Variants in ADAMTSL3 observed in about 807,000 individuals in gnomAD.
ADAMTSL3 encodes ADAMTS like 3, also known as ADAMTS-like protein 3.
In ADAMTSL3, 128 loss-of-function variants were observed where a neutral mutation model predicts 201.7. The ratio of observed to expected loss-of-function variants is 0.63; its 90% CI spans 0.55 to 0.73. The LOEUF is 0.73. Ranked by LOEUF, ADAMTSL3 falls within the 30% of genes least tolerant of loss-of-function variation. ADAMTSL3 has a pLI of 0.00. For synonymous variants in ADAMTSL3, 738 were observed against 748.4 expected (o/e 0.99, Z 0.23); for missense variants, 1,990 against 2,119.6 (o/e 0.94, Z 1.20).
At chr15:83,743,957 T>C (rs953940653) in intron 3 of ADAMTSL3, among the ~76,000 whole-genome samples, 1 of 151,986 alleles carries the variant, frequency 6.6e-6, no homozygotes, top group Admixed American at 6.6e-5. Flanking sequence ...TTCACACCAT[T>C]CTCCTGCCTC....
At chr15:83,752,812 T>G (rs1052091565) in intron 3 of ADAMTSL3, among the ~76,000 whole-genome samples, 1 of 152,224 alleles carries the variant, frequency 6.6e-6, no homozygotes, top group African/African-American at 2.4e-5. Flanking sequence ...CACTGAAGTT[T>G]ACACAAACAT....
At chr15:83,675,725 A>G (rs1231486971) in intron 2 of ADAMTSL3, among the ~76,000 whole-genome samples, 2 of 151,652 alleles carry the variant, frequency 1.3e-5, no homozygotes, top group Admixed American at 6.6e-5. Flanking sequence ...TGAAACTTGG[A>G]TATTTCATTT....
chr15:83,861,005 C>T (rs2064844499), intron 8 of ADAMTSL3, among the ~76,000 whole-genome samples: 2 of 152,228 alleles, frequency 1.3e-5, no homozygotes, highest in African/African-American at 4.8e-5. Flanking sequence ...GCAAATGGCA[C>T]ACCAGGAGAT....
chr15:83,655,327 C>T (rs1421564551), intron 1 of ADAMTSL3, among the ~76,000 whole-genome samples: 1 of 152,178 alleles, frequency 6.6e-6, no homozygotes, highest in East Asian at 1.9e-4. Context: ...AGGTCCTTTC[C>T]CTCTCTGGGC....
intron 2 of ADAMTSL3, among the ~76,000 whole-genome samples, chr15:83,680,198 G>A (rs1293042769): frequency 6.6e-6 from 1 of 151,990 alleles, no homozygotes; most frequent in East Asian, 1.9e-4. Context: ...GAGTTGCATT[G>A]TTCTCTAGCA....
At chr15:83,803,705 C>T (rs1193153328) in intron 4 of ADAMTSL3, among the ~76,000 whole-genome samples, 2 of 152,118 alleles carry the variant, frequency 1.3e-5, no homozygotes, top group Non-Finnish European at 2.9e-5. Context: ...AAATGAGTGG[C>T]AGGGTCGCAG....
intron 6 of ADAMTSL3, chr15:83,824,877 T>C (rs2063986673): frequency 6.6e-6 from 1 of 152,200 alleles, no homozygotes; most frequent in Non-Finnish European, 1.5e-5. Context: ...TAATGGAATG[T>C]TTCACAAATT....
chr15:84,031,552 C>A, intron 28 of ADAMTSL3, 120 bp downstream of exon 28: 1 of 841,076 alleles, frequency 1.2e-6, no homozygotes, highest in Non-Finnish European at 1.9e-6. Context: ...TGACAGTTTT[C>A]AATTATGATT....
Position 83,858,754 on chromosome 15 carries a change from G to A in ADAMTSL3, c.728-12G>A. On this transcript the variant is annotated splice_polypyrimidine_tract_variant and intron_variant, in intron 7 of 29. Coordinates refer to ENST00000286744, the MANE Select transcript of ADAMTSL3 (RefSeq NM_207517.3). ...ACTGGTTTTATTGCAGTTGCGTTCTGTTCTTTCCCAGGAGAAGAAAATGTA... is the reference window on the plus strand; with the variant it reads ...ACTGGTTTTATTGCAGTTGCGTTCTATTCTTTCCCAGGAGAAGAAAATGTA... 1 of 1,610,762 alleles carries A rather than the reference G, an allele frequency of 6.2e-7. No homozygotes were observed. The highest frequency in any genetic ancestry group is 8.5e-7 in the Non-Finnish European group (1 of 1,178,572).
intron 7 of ADAMTSL3, among the ~76,000 whole-genome samples, 169 bp downstream of exon 7, chr15:83,838,384 C>T (rs1276171564): frequency 6.6e-6 from 1 of 152,122 alleles, no homozygotes; most frequent in Non-Finnish European, 1.5e-5. Flanking sequence ...AACTTTTGTT[C>T]CCATTATATC....
At chr15:83,827,710 A>G (rs2064057062) in intron 6 of ADAMTSL3, among the ~76,000 whole-genome samples, 1 of 152,212 alleles carries the variant, frequency 6.6e-6, no homozygotes, top group African/African-American at 2.4e-5. Flanking sequence ...GAAGGGATCC[A>G]GTTTCAGCTT....
chr15:83,717,303 A>G (rs1243767859), intron 3 of ADAMTSL3: 1 of 152,230 alleles, frequency 6.6e-6, no homozygotes, highest in Non-Finnish European at 1.5e-5. Flanking sequence ...AAACTAGAGA[A>G]GAGGAGCTTT....
intron 15 of ADAMTSL3, among the ~76,000 whole-genome samples, chr15:83,905,659 G>T (rs2065817179): frequency 6.6e-6 from 1 of 152,212 alleles, no homozygotes; most frequent in Admixed American, 6.5e-5. Flanking sequence ...CTGGTGGTCT[G>T]CAGTTTATTT....
chr15:83,767,947 G>A (rs1464798918), intron 3 of ADAMTSL3, among the ~76,000 whole-genome samples: 1 of 152,198 alleles, frequency 6.6e-6, no homozygotes, highest in East Asian at 1.9e-4. Flanking sequence ...GGACTTGAGT[G>A]AAGACACGGA....
intron 9 of ADAMTSL3, 59 bp downstream of exon 9, chr15:83,871,018 A>G (rs2065070225): frequency 6.3e-7 from 1 of 1,576,130 alleles, no homozygotes. Flanking sequence ...CTTGATTTTT[A>G]AAACAATGAG....
At chr15:83,933,628 A>G (rs1371296910) in intron 17 of ADAMTSL3, among the ~76,000 whole-genome samples, 1 of 152,236 alleles carries the variant, frequency 6.6e-6, no homozygotes, top group Non-Finnish European at 1.5e-5. Flanking sequence ...GTTAATTGCC[A>G]AGACAATGGG....
chr15:83,810,063 T>A (rs2063668741), intron 5 of ADAMTSL3, among the ~76,000 whole-genome samples: 3 of 152,188 alleles, frequency 2.0e-5, no homozygotes, highest in Non-Finnish European at 4.4e-5. Context: ...AAGCTGACAT[T>A]TCTATCTGTA....
intron 27 of ADAMTSL3, among the ~76,000 whole-genome samples, chr15:84,028,861 G>A (rs953879628): frequency 6.6e-6 from 1 of 152,222 alleles, no homozygotes; most frequent in African/African-American, 2.4e-5. Flanking sequence ...TCTTGTGACA[G>A]TGAGTGAGTT....
chr15:83,727,418 T>C (rs1481064253), intron 3 of ADAMTSL3, among the ~76,000 whole-genome samples: 3 of 151,978 alleles, frequency 2.0e-5, no homozygotes, highest in Admixed American at 1.3e-4. Flanking sequence ...TTCCATTTCT[T>C]CTGCTAATTT....
Sources: allele counts gnomAD v4.1 joint callset (sites outside exome capture counted in the v4.1 genomes callset), GRCh38; gene constraint gnomAD v4.1.1; transcripts MANE v1.5; gene names NCBI Gene and HGNC (gene_info 2026-07-23, HGNC 2026-07-21).